CELF4: variants seen among roughly 807,000 people sequenced by gnomAD.
CELF4 encodes the protein CUG-BP- and ETR-3-like factor 4.
Under a neutral mutation model 59.9 loss-of-function variants are expected in CELF4, and 18 were observed. The ratio of observed to expected loss-of-function variants is 0.30; its 90% CI spans 0.21 to 0.45. The LOEUF (loss-of-function observed/expected upper bound fraction) is 0.45. Among genes scored for constraint, CELF4 ranks in the 20% least tolerant of loss-of-function variants. The probability of loss-of-function intolerance (pLI) is 1.00; values close to 1 mark genes in which losing one functional copy is unlikely to be tolerated. For synonymous variants in CELF4, 261 were observed against 267.1 expected, an observed-to-expected ratio of 0.98 and a Z score of 0.22; for missense variants, 456 against 689.0, an observed-to-expected ratio of 0.66 and a Z score of 3.79.
intron 2 of CELF4, among the ~76,000 whole-genome samples, chr18:37,353,233 A>AAAAAATATATATATATATATATATATAT (rs71168258): frequency 9.3e-6 from 1 of 106,990 alleles, no homozygotes; most frequent in Non-Finnish European, 1.8e-5. Context: ...AAAAAAAAAA[A>AAAAAATATATATATATATATATATATAT]ATATATATAT....
At chr18:37,525,885 C>G (rs755526105) in intron 1 of CELF4, among the ~76,000 whole-genome samples, 7 of 152,282 alleles carry the variant, frequency 4.6e-5, no homozygotes, top group Middle Eastern at 3.4e-3. Context: ...TGGCCGCGAC[C>G]TGTAGGAGGA....
intron 7 of CELF4, 36 bp downstream of exon 7, chr18:37,272,980 C>G: frequency 1.9e-6 from 3 of 1,581,610 alleles, no homozygotes; most frequent in Non-Finnish European, 2.6e-6. Context: ...TGTTCTCCCA[C>G]CGGGCCAGAC....
intron 2 of CELF4, among the ~76,000 whole-genome samples, chr18:37,453,874 T>A (rs556465445): frequency 6.6e-6 from 1 of 152,298 alleles, no homozygotes; most frequent in African/African-American, 2.4e-5. Context: ...AGCTTATTTT[T>A]CCAGCAGGAC....
At chr18:37,528,668 A>C (rs1254898073) in intron 1 of CELF4, among the ~76,000 whole-genome samples, 3 of 152,150 alleles carry the variant, frequency 2.0e-5, no homozygotes, top group African/African-American at 4.8e-5. Flanking sequence ...TTCTAGAAGA[A>C]TACACAGGAA....
At chr18:37,366,828 C>T (rs1442056692) in intron 2 of CELF4, among the ~76,000 whole-genome samples, 1 of 152,166 alleles carries the variant, frequency 6.6e-6, no homozygotes. Flanking sequence ...TCCAGAGCCT[C>T]CCTGTCTGGG....
intron 2 of CELF4, among the ~76,000 whole-genome samples, chr18:37,393,592 C>A (rs73947205): frequency 6.6e-6 from 1 of 152,158 alleles, no homozygotes; most frequent in Non-Finnish European, 1.5e-5. Flanking sequence ...CCACATCCCC[C>A]GAGGGGACCA....
intron 2 of CELF4, among the ~76,000 whole-genome samples, chr18:37,471,738 C>A (rs2099833176): frequency 6.6e-6 from 1 of 152,188 alleles, no homozygotes; most frequent in Non-Finnish European, 1.5e-5. Context: ...CAGCAGGGTT[C>A]TTGCCCTCTA....
At chr18:37,336,224 C>T (rs1021186217) in intron 2 of CELF4, among the ~76,000 whole-genome samples, 2 of 152,226 alleles carry the variant, frequency 1.3e-5, no homozygotes, top group Non-Finnish European at 2.9e-5. Context: ...GTCTCCTCCT[C>T]TCTCCTTTTC....
chr18:37,536,822 C>T (rs62082843), intron 1 of CELF4, among the ~76,000 whole-genome samples: 1 of 152,184 alleles, frequency 6.6e-6, no homozygotes, highest in African/African-American at 2.4e-5. Flanking sequence ...TCACATAAAG[C>T]TCCCAGGCCT....
chr18:37,339,770 A>G (rs1398621721), intron 2 of CELF4, among the ~76,000 whole-genome samples: 4 of 150,522 alleles, frequency 2.7e-5, no homozygotes, highest in East Asian at 1.9e-4. Flanking sequence ...AAAAAAAAAA[A>G]GGCCTGGGAG....
chr18:37,434,321 G>A (rs773466265), intron 2 of CELF4, among the ~76,000 whole-genome samples: 5 of 152,148 alleles, frequency 3.3e-5, no homozygotes, highest in East Asian at 3.9e-4. Flanking sequence ...GGAAAGCCCC[G>A]GAGGCTGGTT....
At chr18:37,294,108 C>T (rs1302029327) in intron 3 of CELF4, among the ~76,000 whole-genome samples, 1 of 152,198 alleles carries the variant, frequency 6.6e-6, no homozygotes, top group South Asian at 2.1e-4. Flanking sequence ...AATATCTGTA[C>T]TTCCACTGTG....
chr18:37,546,377 C>T (rs570392135), intron 1 of CELF4, among the ~76,000 whole-genome samples: 74 of 150,180 alleles, frequency 4.9e-4, no homozygotes, highest in Non-Finnish European at 6.2e-4. Flanking sequence ...CTTGCACCCA[C>T]GCACATGTAT....
intron 1 of CELF4, among the ~76,000 whole-genome samples, chr18:37,524,889 G>A (rs1327167688): frequency 6.6e-6 from 1 of 152,154 alleles, no homozygotes; most frequent in Non-Finnish European, 1.5e-5. Flanking sequence ...CTGGGGCGCG[G>A]GGGTCGCGGC....
intron 2 of CELF4, among the ~76,000 whole-genome samples, chr18:37,476,529 G>A (rs1480268944): frequency 3.9e-5 from 6 of 152,280 alleles, no homozygotes; most frequent in African/African-American, 1.4e-4. Flanking sequence ...CCGTTTTCAT[G>A]AGGAATTAAA....
chr18:37,301,062 A>G (rs1476461566), intron 3 of CELF4, among the ~76,000 whole-genome samples: 2 of 152,138 alleles, frequency 1.3e-5, no homozygotes, highest in African/African-American at 2.4e-5. Flanking sequence ...GTGGGGCAGG[A>G]GACACAGGAG....
At chr18:37,533,365 C>T (rs761792642) in intron 1 of CELF4, among the ~76,000 whole-genome samples, 22 of 152,146 alleles carry the variant, frequency 1.4e-4, no homozygotes, top group African/African-American at 2.4e-4. Context: ...TTTGGGAATC[C>T]GGAGTTTCTA....
chr18:37,536,356 C>A (rs952201927), intron 1 of CELF4, among the ~76,000 whole-genome samples: 2 of 152,090 alleles, frequency 1.3e-5, no homozygotes, highest in Non-Finnish European at 1.5e-5. Context: ...TGCATTGGAA[C>A]CTGAAGGACT....
chr18:37,376,506 T>C (rs941038046), intron 2 of CELF4, among the ~76,000 whole-genome samples: 2 of 152,240 alleles, frequency 1.3e-5, no homozygotes, highest in African/African-American at 4.8e-5. Flanking sequence ...CCTACTCTTC[T>C]GGTCCTAGCT....
Sources: allele counts gnomAD v4.1 joint callset (sites outside exome capture counted in the v4.1 genomes callset), GRCh38; gene constraint gnomAD v4.1.1; transcripts MANE v1.5; gene names NCBI Gene and HGNC (gene_info 2026-07-23, HGNC 2026-07-21).